Variants in NEK1 observed in about 807,000 individuals in gnomAD.
NEK1 encodes serine/threonine-protein kinase Nek1.
Under a neutral mutation model 182.1 loss-of-function variants are expected in NEK1, and 137 were observed. That is an observed-to-expected ratio of 0.75 (90% confidence interval 0.65 to 0.87). The LOEUF (loss-of-function observed/expected upper bound fraction) is 0.87. NEK1 is among the 40% of genes least tolerant of loss of function. NEK1 has a pLI of 0.00. For missense variants in NEK1, 1,391 were observed against 1,494.4 expected, an observed-to-expected ratio of 0.93 and a Z score of 1.14; for synonymous variants, 513 against 492.2, an observed-to-expected ratio of 1.04 and a Z score of -0.56.
rs369158875 is a variant in NEK1 at position 169,444,717 on chromosome 4, A to G, written c.2588-6458T>C. 3.9e-5 allele frequency among the ~76,000 whole-genome samples: 6 copies of G among 152,330 alleles called. No homozygotes were observed. The East Asian group carries it at 5.8e-4, about 15-fold the overall frequency. On this transcript the variant is annotated intron_variant, in intron 27 of 35. Coordinates refer to ENST00000507142, the MANE Select transcript of NEK1 (RefSeq NM_001199397.3). ...TAATCTAGACTGAAAATTAACAAAG[A>G]AACATTTGATTTAAACTGCACTTTA...
chr4:169,545,358 T>G (rs1283573619), intron 18 of NEK1, among the ~76,000 whole-genome samples: 2 of 151,994 alleles, frequency 1.3e-5, no homozygotes, highest in African/African-American at 2.4e-5. Flanking sequence ...ATTTCATCCA[T>G]GTCCCTACAA....
At chr4:169,441,269 A>T (rs970879335) in intron 27 of NEK1, among the ~76,000 whole-genome samples, 4 of 152,180 alleles carry the variant, frequency 2.6e-5, no homozygotes, top group Non-Finnish European at 5.9e-5. Context: ...CACCTTCAGG[A>T]GCAAGGAGAT....
chr4:169,500,944 C>T (rs1490420892), intron 23 of NEK1, among the ~76,000 whole-genome samples: 1 of 152,144 alleles, frequency 6.6e-6, no homozygotes, highest in Non-Finnish European at 1.5e-5. Flanking sequence ...AAATGCTTCA[C>T]TACAAACACA....
In NEK1 at chr4:169,495,677, C is replaced by T. The variant is rs550959299; in HGVS notation, c.2007+11360G>A. Among the ~76,000 whole-genome samples, 69 of 152,194 alleles carry T rather than the reference C, an allele frequency of 4.5e-4. 1 individual carries two copies. The East Asian group carries it at 0.012, about 26-fold the overall frequency. On this transcript the variant is annotated intron_variant, in intron 23 of 35. Coordinates refer to ENST00000507142, the MANE Select transcript of NEK1 (RefSeq NM_001199397.3). ...AATAGGGAATCCTTTCCTCATTTTT[C>T]GTTTTTGTCAGGTTTGTCAAAGATC...
intron 27 of NEK1, among the ~76,000 whole-genome samples, chr4:169,448,751 G>A (rs867705703): frequency 6.6e-6 from 1 of 152,162 alleles, no homozygotes; most frequent in Admixed American, 6.5e-5. Flanking sequence ...TGGAGAAGAT[G>A]GGTGATTTCT....
At chr4:169,528,770 C>G (rs1245569759) in intron 19 of NEK1, among the ~76,000 whole-genome samples, 2 of 152,184 alleles carry the variant, frequency 1.3e-5, no homozygotes, top group African/African-American at 4.8e-5. Context: ...CATCCACCAA[C>G]TGGATCTAAT....
Position 169,477,151 on chromosome 4 carries a change from G to T in NEK1, c.2407C>A (p.Leu803Ile), listed in dbSNP as rs775730147. The T allele has an allele frequency of 5.6e-6, 9 of 1,604,142 alleles. No individual in the cohort carries two copies. Among genetic ancestry groups the T allele is most frequent in the Non-Finnish European group, 8.5e-7 (1 of 1,174,540 alleles). ...TCAGTTGTAGAGAAGGATGTATCTA[G>T]TGTTAACTCATCCAGAGGAATCACA... ...QLVIPLDELTLDTSFSTTERH... is the reference protein window; with the variant it reads ...QLVIPLDELTIDTSFSTTERH... Residue 803 changes from leucine (L) to isoleucine (I), a missense_variant, in exon 26 of 36, where the codon CTA (leucine) becomes ATA (isoleucine). Physicochemically the swap from Leu to Ile is conservative, Grantham distance 5 (BLOSUM62 2). Transcript: ENST00000507142.
intron 31 of NEK1, among the ~76,000 whole-genome samples, chr4:169,411,940 A>G (rs899265812): frequency 6.6e-6 from 1 of 152,180 alleles, no homozygotes; most frequent in Non-Finnish European, 1.5e-5. Context: ...CAGGCTCCAG[A>G]TAAGGAGGAG....
chr4:169,581,039 TAA>T (rs34236215), intron 10 of NEK1, 137 bp from the exon 11 acceptor site: 2,160 of 130,504 alleles, frequency 0.017, 1 homozygote, highest in South Asian at 0.044. Flanking sequence ...ACCAAGTTGT[TAA>T]AAAAAAAAAA....
chr4:169,439,165 A>G (rs1738961889), intron 27 of NEK1, among the ~76,000 whole-genome samples: 1 of 152,232 alleles, frequency 6.6e-6, no homozygotes, highest in Non-Finnish European at 1.5e-5. Context: ...CCAATTTTGC[A>G]TAAATTCAAT....
intron 29 of NEK1, among the ~76,000 whole-genome samples, chr4:169,431,345 A>G (rs1737395636): frequency 6.6e-6 from 1 of 152,202 alleles, no homozygotes. Context: ...CTTGAAATAT[A>G]AAATGAAATA....
chr4:169,457,011 C>G (rs1440916350), intron 27 of NEK1, among the ~76,000 whole-genome samples: 1 of 152,024 alleles, frequency 6.6e-6, no homozygotes. Context: ...ATTAAAATAA[C>G]TGAACTCATG....
intron 35 of NEK1, among the ~76,000 whole-genome samples, chr4:169,395,749 G>A (rs1265120011): frequency 1.3e-5 from 2 of 152,172 alleles, no homozygotes; most frequent in Non-Finnish European, 2.9e-5. Context: ...CAGATGCAGA[G>A]TACCCTTTCT....
In NEK1 at chr4:169,401,593, C is replaced by T. The variant is rs988632297; in HGVS notation, c.3583+59G>A. The T allele has an allele frequency of 9.5e-6, 14 of 1,468,364 alleles. No homozygotes were observed. In the African/African-American group the frequency reaches 1.7e-4, roughly 18 times the overall value. 91.0% of individuals were successfully genotyped at this position (1,468,364 alleles called of 1,614,324 possible). On this transcript the variant is annotated intron_variant, in intron 33 of 35. Transcript: ENST00000507142. ...TCACAGCAGAGATTAGAAAAATACACTCTACTTGAAATATTTGTAAACTGA... is the reference window on the plus strand; with the variant it reads ...TCACAGCAGAGATTAGAAAAATACATTCTACTTGAAATATTTGTAAACTGA...
intron 19 of NEK1, among the ~76,000 whole-genome samples, chr4:169,514,604 C>A (rs755572651): frequency 6.6e-6 from 1 of 152,080 alleles, no homozygotes; most frequent in Admixed American, 6.6e-5. Context: ...TGGTAGTTTA[C>A]GAATTTTATA....
rs968009643 is a variant in NEK1, at chr4:169,530,118, C to T, written c.1665+7691G>A. On this transcript the variant is annotated intron_variant, in intron 19 of 35. Transcript: ENST00000507142. ...CAAAAATTGGAAACATCTCAAATGT[C>T]CCACAACTGGCAAATGGATAAACAA... Among the ~76,000 whole-genome samples, 58 of 152,160 alleles carry T rather than the reference C, an allele frequency of 3.8e-4. 1 individual carries two copies. Among genetic ancestry groups the T allele is most frequent in the Non-Finnish European group, 8.4e-4 (57 of 68,016 alleles).
At chr4:169,554,342 C>T (rs1561402576) in intron 18 of NEK1, 1 of 150,988 alleles carries the variant, frequency 6.6e-6, no homozygotes, top group Admixed American at 6.6e-5. Flanking sequence ...CACTTAAGCC[C>T]CAGAGGTCAA....
intron 24 of NEK1, among the ~76,000 whole-genome samples, chr4:169,478,863 CTT>C (rs1031244858): frequency 6.6e-6 from 1 of 152,074 alleles, no homozygotes; most frequent in Non-Finnish European, 1.5e-5. Context: ...TAAGTTTAAG[CTT>C]TTTATTTGTC....
chr4:169,463,391 A>G lies in NEK1; in HGVS notation c.2439T>C (p.His813=). 1 of 1,595,754 alleles carries G rather than the reference A, an allele frequency of 6.3e-7. No individual in the cohort carries two copies. The highest frequency in any genetic ancestry group is 1.1e-5 in the South Asian group (1 of 87,394). The change falls in exon 27 of 36, where the codon CAT becomes CAC. Residue 813 remains histidine (H), a synonymous_variant. Transcript: ENST00000507142. ...LDTSFSTTER[H]TVGEVIKLGP... Reference sequence around the variant, plus strand: ...CTAATTTAATAACTTCTCCCACTGTATGTCCTATAAGAAAAATATACAAAG... The same window carrying G: ...CTAATTTAATAACTTCTCCCACTGTGTGTCCTATAAGAAAAATATACAAAG...
Sources: gnomAD v4.1 joint callset for allele counts (sites outside exome capture counted in the v4.1 genomes callset) on GRCh38, gnomAD v4.1.1 for gene constraint, MANE v1.5 for transcripts, NCBI Gene and HGNC (gene_info 2026-07-23, HGNC 2026-07-21) for gene names.